Variants in MICAL2 observed in about 807,000 individuals in gnomAD.
MICAL2 encodes [F-actin]-monooxygenase MICAL2.
In MICAL2, 77 loss-of-function variants were observed where a neutral mutation model predicts 127.3. The ratio of observed to expected loss-of-function variants is 0.60; its 90% CI spans 0.50 to 0.73. The LOEUF (loss-of-function observed/expected upper bound fraction) is 0.73, where lower values mean the gene tolerates loss of function less well. MICAL2 is among the 30% of genes least tolerant of loss of function. MICAL2 has a pLI of 0.00. For synonymous variants in MICAL2, 570 were observed against 551.1 expected (o/e 1.03, Z -0.48); for missense variants, 1,351 against 1,434.4 (o/e 0.94, Z 0.94).
At chr11:12,227,590 T>C (rs974684914) in intron 15 of MICAL2, among the ~76,000 whole-genome samples, 7 of 152,232 alleles carry the variant, frequency 4.6e-5, no homozygotes, top group African/African-American at 1.7e-4. Flanking sequence ...TGGGCTCTCC[T>C]ATAGGTCAAC....
rs1341967506 is a variant in MICAL2 at position 12,220,471 on chromosome 11, C to T, written c.1206+13C>T. The stretch of plus-strand genomic sequence containing the variant: ...CAGCTTGCTTGAGGTACTGCCTGAG[C>T]TCGGAGCCCCCATGTTTCTCTGCGA... On this transcript the variant is annotated intron_variant, in intron 9 of 27. Transcript: ENST00000683283. 1 of 1,603,544 alleles carries T rather than the reference C, an allele frequency of 6.2e-7. No homozygotes were observed. The highest frequency in any genetic ancestry group is 1.7e-5 in the Admixed American group (1 of 59,946).
chr11:12,354,057 T>C (rs11022321), intron 33 of MICAL2, among the ~76,000 whole-genome samples: 18,623 of 152,268 alleles, frequency 0.12, 1,230 homozygotes, highest in South Asian at 0.25. Flanking sequence ...CTGGATGGCC[T>C]TCCAAAGCCT....
chr11:12,317,542 C>T (rs1262206199), intron 29 of MICAL2, among the ~76,000 whole-genome samples: 2 of 152,142 alleles, frequency 1.3e-5, no homozygotes, highest in Non-Finnish European at 2.9e-5. Flanking sequence ...CCTATAATCC[C>T]AGCACTTTGG....
At chr11:12,194,958 T>C (rs573295946) in intron 3 of MICAL2, among the ~76,000 whole-genome samples, 22 of 152,376 alleles carry the variant, frequency 1.4e-4, no homozygotes, top group African/African-American at 5.3e-4. Flanking sequence ...TTTCATTTTA[T>C]ATACATTTTA....
chr11:12,191,617 A>G (rs1859134868), intron 3 of MICAL2, among the ~76,000 whole-genome samples: 1 of 152,144 alleles, frequency 6.6e-6, no homozygotes, highest in Non-Finnish European at 1.5e-5. Context: ...ATACAAAAAA[A>G]TTAGCTGGGC....
chr11:12,189,167 C>G (rs756520236), intron 3 of MICAL2, among the ~76,000 whole-genome samples: 2 of 152,148 alleles, frequency 1.3e-5, no homozygotes, highest in Non-Finnish European at 2.9e-5. Flanking sequence ...TTCATCCAAC[C>G]CCTCCTTTAC....
intron 12 of MICAL2, 78 bp downstream of exon 12, chr11:12,223,579 G>C: frequency 2.3e-6 from 3 of 1,328,004 alleles, no homozygotes; most frequent in Admixed American, 1.7e-5. Context: ...TGACCGTGGT[G>C]ACACAGGCAC....
chr11:12,323,070 T>C (rs1206967419), intron 30 of MICAL2, among the ~76,000 whole-genome samples: 1 of 152,172 alleles, frequency 6.6e-6, no homozygotes, highest in African/African-American at 2.4e-5. Flanking sequence ...CAACCATTAG[T>C]CTCTGCTATT....
At position 12,258,545 on chromosome 11, in the gene MICAL2, C is replaced by T; in HGVS notation, c.3220C>T (p.Gln1074Ter). ...ACGGAAGAGACGGGCAGAGTTGAAG[C>T]AACAAAGAGAGGTATGTTTGTCTCA... ...KQRKRRAELK[Q>*]QREEEATWQE... The change falls in exon 25 of 28, where the codon CAA (glutamine) becomes TAA (stop). Residue 1074 changes from glutamine (Q) to a stop codon, truncating the protein, a stop_gained. Coordinates refer to ENST00000683283, the MANE Select transcript of MICAL2 (RefSeq NM_001282663.2). LOFTEE classifies it high-confidence loss of function. 1 of 1,613,562 alleles carries T rather than the reference C, an allele frequency of 6.2e-7. No homozygotes were observed. Among genetic ancestry groups the T allele is most frequent in the Non-Finnish European group, 8.5e-7 (1 of 1,179,714 alleles).
At chr11:12,252,490 A>G (rs1861684340) in intron 22 of MICAL2, 1 of 152,296 alleles carries the variant, frequency 6.6e-6, no homozygotes, top group Non-Finnish European at 1.5e-5. Flanking sequence ...CCCCAAAGCC[A>G]CACACATGGT....
intron 6 of MICAL2, among the ~76,000 whole-genome samples, chr11:12,211,808 C>A (rs990852200): frequency 3.3e-5 from 5 of 152,184 alleles, no homozygotes; most frequent in Non-Finnish European, 7.3e-5. Context: ...GTGGGTTGGA[C>A]AGGAGACCCG....
chr11:12,242,433 G>A lies in MICAL2; in HGVS notation c.2556+1G>A. The A allele has an allele frequency of 6.3e-7, 1 of 1,598,024 alleles. No individual in the cohort carries two copies. The highest frequency in any genetic ancestry group is 8.5e-7 in the Non-Finnish European group (1 of 1,170,272). ...GCAAGTGGAGGAAAAGATTCTCCAGGTGAGAGACTCACTTTTTGCCCGTCT... is the reference window on the plus strand; with the variant it reads ...GCAAGTGGAGGAAAAGATTCTCCAGATGAGAGACTCACTTTTTGCCCGTCT... On this transcript the variant is annotated splice_donor_variant, in intron 19 of 27. Transcript: ENST00000683283. LOFTEE classifies it high-confidence loss of function.
At chr11:12,292,555 T>C (rs962702339), downstream of MICAL2, among the ~76,000 whole-genome samples, 5 of 152,204 alleles carry the variant, frequency 3.3e-5, no homozygotes, top group Admixed American at 3.3e-4. Flanking sequence ...TTAGACTCCA[T>C]GCCAGGTCTC....
Position 12,162,308 on chromosome 11 carries a change from C to G in MICAL2, c.153C>G (p.Ser51=). 1.2e-6 allele frequency: 2 copies of G among 1,614,228 alleles called. No homozygotes were observed. The highest frequency in any genetic ancestry group is 1.7e-6 in the Non-Finnish European group (2 of 1,180,040). Residue 51 remains serine, a synonymous_variant, in exon 3 of 28, where the codon TCC becomes TCG. Coordinates refer to ENST00000683283, the MANE Select transcript of MICAL2 (RefSeq NM_001282663.2). ...LDPLDHRNFY[S]KLKSKVTTWK... is the part of the protein sequence containing the mutation. ...CTCTGGACCACAGAAACTTTTATTC[C>G]AAGCTCAAGTCCAAGGTGACCACCT...
chr11:12,314,490 T>C (rs1268699253), intron 29 of MICAL2, among the ~76,000 whole-genome samples: 1 of 151,842 alleles, frequency 6.6e-6, no homozygotes. Context: ...CTATTTTTTT[T>C]TTCTTTGAGA....
chr11:12,199,042 C>T (rs981357361), intron 3 of MICAL2, among the ~76,000 whole-genome samples: 1 of 152,084 alleles, frequency 6.6e-6, no homozygotes, highest in Non-Finnish European at 1.5e-5. Flanking sequence ...TCAGTCAAGC[C>T]GGTAAGAGCA....
chr11:12,159,163 C>T (rs1424081082), intron 2 of MICAL2, among the ~76,000 whole-genome samples: 2 of 152,214 alleles, frequency 1.3e-5, no homozygotes, highest in African/African-American at 4.8e-5. Context: ...GCCCTCAGCA[C>T]CACCTTTAGC....
At chr11:12,241,714 C>G (rs762290999) in intron 18 of MICAL2, among the ~76,000 whole-genome samples, 1 of 152,196 alleles carries the variant, frequency 6.6e-6, no homozygotes, top group Non-Finnish European at 1.5e-5. Flanking sequence ...TGTTATTGAC[C>G]ATAAGCCACA....
downstream of MICAL2, chr11:12,293,610 C>T (rs548662604): frequency 6.2e-7 from 1 of 1,613,894 alleles, no homozygotes; most frequent in Non-Finnish European, 8.5e-7. Context: ...CATCCAAGTC[C>T]TCCCACCCCA....
Sources: allele counts gnomAD v4.1 joint callset (sites outside exome capture counted in the v4.1 genomes callset), GRCh38; gene constraint gnomAD v4.1.1; transcripts MANE v1.5; gene names NCBI Gene and HGNC (gene_info 2026-07-23, HGNC 2026-07-21).